Variants in H2BC18 observed in about 807,000 individuals in gnomAD.
The protein encoded by H2BC18 is histone H2B type 2-F.
H2BC18 carries 8 observed loss-of-function variants against 6.3 expected under a neutral mutation model. That is an observed-to-expected ratio of 1.28 (90% confidence interval 0.75 to 2.31). H2BC18 has a LOEUF of 2.31. Ranked by LOEUF, H2BC18 falls within the 30% of genes most tolerant of loss-of-function variation. The probability of loss-of-function intolerance (pLI) is 0.00; values close to 1 mark genes in which losing one functional copy is unlikely to be tolerated. For synonymous variants in H2BC18, 104 were observed against 78.1 expected, an observed-to-expected ratio of 1.33 and a Z score of -1.75; for missense variants, 106 against 174.5, an observed-to-expected ratio of 0.61 and a Z score of 2.21.
intron 1 of H2BC18, chr1:149,788,342 A>C (rs1553751061): frequency 1.2e-6 from 2 of 1,611,920 alleles, no homozygotes; most frequent in Non-Finnish European, 1.7e-6. Context: ...CTGTATACAT[A>C]CATTTTGGGT....
At chr1:149,784,518 C>T (rs1279512871) in intron 1 of H2BC18, among the ~76,000 whole-genome samples, 1 of 151,922 alleles carries the variant, frequency 6.6e-6, no homozygotes. Context: ...ATCATTATTC[C>T]AAATGTATGC....
intron 1 of H2BC18, chr1:149,792,588 G>T (rs1404751424): frequency 2.5e-6 from 3 of 1,200,718 alleles, no homozygotes; most frequent in Non-Finnish European, 3.2e-6. Context: ...CGCTCCGAGC[G>T]TGTCCCGCGG....
At chr1:149,810,426 A>T (rs1191566499), downstream of H2BC18, 4 of 152,178 alleles carry the variant, frequency 2.6e-5, no homozygotes, top group African/African-American at 9.7e-5. Context: ...TATATCTTTT[A>T]ATTGGGTGTA....
At chr1:149,788,935 A>G (rs1205216504) in intron 1 of H2BC18, among the ~76,000 whole-genome samples, 1 of 151,942 alleles carries the variant, frequency 6.6e-6, no homozygotes, top group African/African-American at 2.4e-5. Flanking sequence ...CTAGGTAGAT[A>G]GGAGAGTTAG....
intron 1 of H2BC18, among the ~76,000 whole-genome samples, chr1:149,793,449 G>T (rs1265764584): frequency 1.3e-5 from 2 of 152,142 alleles, no homozygotes; most frequent in African/African-American, 2.4e-5. Context: ...CACCCACAAG[G>T]GCCCACGGCC....
downstream of H2BC18, chr1:149,810,626 G>A (rs1462422821): frequency 5.9e-5 from 9 of 151,854 alleles, no homozygotes; most frequent in African/African-American, 1.7e-4. Context: ...TTGTCAGGAT[G>A]AGTCTTGAGT....
chr1:149,811,918 G>T lies in H2BC18; in HGVS notation c.*25C>A, dbSNP rs1553754497. ...AAAGAGCCTTTGGGGTTAGGTGGTTGATCTATTGCGTCCCTTGCACACTCT... is the reference window on the plus strand; with the variant it reads ...AAAGAGCCTTTGGGGTTAGGTGGTTTATCTATTGCGTCCCTTGCACACTCT... On this transcript the variant is annotated 3_prime_UTR_variant, in exon 1 of 1. Coordinates refer to ENST00000369167, the MANE Select transcript of H2BC18 (RefSeq NM_001024599.5). 1.9e-6 allele frequency: 3 copies of T among 1,588,990 alleles called. No individual in the cohort carries two copies. The South Asian group carries it at 3.3e-5, about 18-fold the overall frequency.
chr1:149,802,097 C>T (rs1243227026), intron 1 of H2BC18, among the ~76,000 whole-genome samples: 1 of 152,078 alleles, frequency 6.6e-6, no homozygotes, highest in African/African-American at 2.4e-5. Flanking sequence ...TCTATAGATG[C>T]TTGCTGTTTC....
intron 1 of H2BC18, among the ~76,000 whole-genome samples, chr1:149,796,754 C>G (rs1426256770): frequency 2.6e-5 from 4 of 152,214 alleles, no homozygotes; most frequent in Non-Finnish European, 4.4e-5. Context: ...ATTATTTTAA[C>G]AAATGCTTAT....
chr1:149,801,374 A>G (rs1322216509), intron 1 of H2BC18, among the ~76,000 whole-genome samples: 13 of 151,514 alleles, frequency 8.6e-5, no homozygotes, highest in African/African-American at 2.9e-4. Context: ...ATCTTGAATC[A>G]GTAGCTATTT....
intron 1 of H2BC18, among the ~76,000 whole-genome samples, chr1:149,790,969 G>T (rs1203434763): frequency 6.6e-6 from 1 of 151,470 alleles, no homozygotes; most frequent in African/African-American, 2.4e-5. Context: ...GTATTAAATG[G>T]CACAGAGATA....
downstream of H2BC18, among the ~76,000 whole-genome samples, chr1:149,809,304 C>T (rs1245440293): frequency 7.5e-6 from 1 of 134,016 alleles, no homozygotes; most frequent in Non-Finnish European, 1.6e-5. Flanking sequence ...ATTTTAGCTA[C>T]ATAGATACAT....
intron 1 of H2BC18, among the ~76,000 whole-genome samples, chr1:149,789,009 C>T (rs1311222936): frequency 9.2e-5 from 14 of 151,976 alleles, no homozygotes; most frequent in Middle Eastern, 6.8e-3. Context: ...ATATGAAGAA[C>T]GGGCTATACT....
At chr1:149,792,647 G>C in intron 1 of H2BC18, 1 of 1,273,898 alleles carries the variant, frequency 7.8e-7, no homozygotes, top group Non-Finnish European at 1.0e-6. Flanking sequence ...TGCAGCCTCC[G>C]CCTGTATCTG....
At chr1:149,789,946 A>G (rs1321141928) in intron 1 of H2BC18, 1 of 1,605,660 alleles carries the variant, frequency 6.2e-7, no homozygotes, top group Non-Finnish European at 8.5e-7. Flanking sequence ...TGCCTTATGG[A>G]TGCATTTTCT....
chr1:149,789,048 C>A, intron 1 of H2BC18, among the ~76,000 whole-genome samples: 1 of 151,732 alleles, frequency 6.6e-6, no homozygotes, highest in Non-Finnish European at 1.5e-5. Context: ...GACAAAGCAG[C>A]CTCTGTGGTG....
downstream of H2BC18, chr1:149,811,031 A>C (rs1301469693): frequency 6.6e-6 from 1 of 152,206 alleles, no homozygotes; most frequent in Non-Finnish European, 1.5e-5. Flanking sequence ...CAGCCTATGA[A>C]GTGCTCAGCT....
chr1:149,788,845 G>A (rs1300857181), intron 1 of H2BC18, among the ~76,000 whole-genome samples: 1 of 152,038 alleles, frequency 6.6e-6, no homozygotes, highest in African/African-American at 2.4e-5. Flanking sequence ...AACAATCACA[G>A]GAGCTAATGT....
chr1:149,793,433 G>A (rs1473822902), intron 1 of H2BC18, among the ~76,000 whole-genome samples: 2 of 152,106 alleles, frequency 1.3e-5, no homozygotes, highest in Non-Finnish European at 2.9e-5. Context: ...GGGAACCGCC[G>A]AGCTTCACCC....
Sources: allele counts gnomAD v4.1 joint callset (sites outside exome capture counted in the v4.1 genomes callset), GRCh38; gene constraint gnomAD v4.1.1; transcripts MANE v1.5; gene names NCBI Gene and HGNC (gene_info 2026-07-23, HGNC 2026-07-21).